The following LYST variants were observed in gnomAD, a reference collection of about 807,000 sequenced individuals.
LYST encodes the protein lysosomal trafficking regulator.
A neutral mutation model predicts 413.6 loss-of-function variants in LYST; 192 were observed. That is an observed-to-expected ratio of 0.46 (90% confidence interval 0.41 to 0.52). LYST has a LOEUF of 0.52. LYST is among the 20% of genes least tolerant of loss of function. The pLI is 0.00. For missense variants in LYST, 3,815 were observed against 4,499.9 expected (o/e 0.85, Z 4.35); for synonymous variants, 1,525 against 1,567.3 (o/e 0.97, Z 0.64).
intron 44 of LYST, 124 bp from the exon 45 acceptor site, chr1:235,703,101 A>G: frequency 1.3e-6 from 1 of 743,708 alleles, no homozygotes; most frequent in South Asian, 1.5e-5. Context: ...GCTTTTGTTC[A>G]GGTTAACAAT....
chr1:235,719,830 G>T (rs1663187585), intron 40 of LYST, among the ~76,000 whole-genome samples: 3 of 151,900 alleles, frequency 2.0e-5, no homozygotes, highest in South Asian at 4.1e-4. Flanking sequence ...TAAGTGACCT[G>T]GTTTTTCCAA....
At chr1:235,669,999 A>G (rs987845631) in intron 50 of LYST, among the ~76,000 whole-genome samples, 8 of 152,164 alleles carry the variant, frequency 5.3e-5, no homozygotes, top group African/African-American at 1.9e-4. Context: ...GGTGAACACA[A>G]CTATGTCAGA....
rs1387206693 is a variant in LYST at position 235,803,016 on chromosome 1, C to G, written c.3604G>C (p.Glu1202Gln). The G allele has an allele frequency of 4.3e-6, 7 of 1,613,380 alleles. No homozygotes were observed. Among genetic ancestry groups the G allele is most frequent in the Non-Finnish European group, 5.9e-6 (7 of 1,179,686 alleles). The change falls in exon 8 of 53, where the codon GAA becomes CAA. Residue 1202 changes from glutamate to glutamine, a missense_variant. Around this residue, in one of 4 missense-constraint regions of LYST, gnomAD observed 1,648 missense variants for 1,810.3 expected, o/e 0.91. Transcript: ENST00000389793. ...ELSSQPGDFS[E>Q]EAEDSQCCSF... Reference sequence around the variant, plus strand: ...CAACACTGAGAATCCTCAGCTTCTTCTGAAAAATCACCAGGCTGGGATGAC... The same window carrying G: ...CAACACTGAGAATCCTCAGCTTCTTGTGAAAAATCACCAGGCTGGGATGAC...
chr1:235,764,988 T>C (rs1667989779), intron 21 of LYST, among the ~76,000 whole-genome samples: 1 of 152,174 alleles, frequency 6.6e-6, no homozygotes, highest in African/African-American at 2.4e-5. Flanking sequence ...ACCCTCCAAC[T>C]AGTAATACTA....
chr1:235,761,833 T>C (rs1558205045), intron 22 of LYST, among the ~76,000 whole-genome samples: 1 of 151,440 alleles, frequency 6.6e-6, no homozygotes, highest in Non-Finnish European at 1.5e-5. Context: ...GCATCCCCTT[T>C]GCCTTTTTTC....
chr1:235,767,097 G>A (rs1161670244), intron 20 of LYST, among the ~76,000 whole-genome samples: 3 of 152,012 alleles, frequency 2.0e-5, no homozygotes, highest in Non-Finnish European at 4.4e-5. Flanking sequence ...AATGAGGCTT[G>A]GCAAAATGCC....
intron 14 of LYST, 36 bp downstream of exon 14, chr1:235,787,164 T>C (rs747833182): frequency 1.3e-6 from 2 of 1,517,994 alleles, no homozygotes; most frequent in Non-Finnish European, 1.8e-6. Flanking sequence ...ACATTGTAAC[T>C]GAGATTGAGA....
At chr1:235,677,669 CTAGTA>C in intron 48 of LYST, 50 bp from the exon 49 acceptor site, 1 of 1,410,776 alleles carries the variant, frequency 7.1e-7, no homozygotes, top group Non-Finnish European at 1.0e-6. Flanking sequence ...AAAAAGTACT[CTAGTA>C]TAGTATCTCA....
intron 42 of LYST, chr1:235,713,204 T>C (rs572322820): frequency 2.0e-6 from 2 of 985,236 alleles, no homozygotes; most frequent in Admixed American, 6.1e-5. Flanking sequence ...TTAGAAACAT[T>C]TACTTTTTCT....
chr1:235,780,896 GTCATAAAAAGT>G lies in LYST; in HGVS notation c.5172_5182del (p.Glu1724AspfsTer12). On this transcript the variant is annotated frameshift_variant, in exon 16 of 53. Transcript: ENST00000389793. LOFTEE classifies it high-confidence loss of function. ...GAGACCAATATCCACATCTTTCTTG[GTCATAAAAAGT>G]TCTCTGATTTGTTCACATCGCAAAA... 1 of 1,553,332 alleles carries G rather than the reference GTCATAAAAAGT, an allele frequency of 6.4e-7. No individual in the cohort carries two copies. The highest frequency in any genetic ancestry group is 1.2e-5 in the South Asian group (1 of 81,720).
chr1:235,808,707 T>C lies in LYST; in HGVS notation c.2111A>G (p.Asp704Gly). ...TGCAATCTGTATACTATGTAATCTG[T>C]CTTCTTCAAAAACAAAGTTCTGATA... ...KAYQNFVFEE[D>G]RLHSIQIANH... Residue 704 changes from aspartate (D) to glycine (G), a missense_variant, in exon 5 of 53, where the codon GAC becomes GGC. Transcript: ENST00000389793. 1 of 1,614,012 alleles carries C rather than the reference T, an allele frequency of 6.2e-7. No homozygotes were observed. Among genetic ancestry groups the C allele is most frequent in the Non-Finnish European group, 8.5e-7 (1 of 1,179,962 alleles).
At chr1:235,802,154 A>G (rs1401965590) in intron 8 of LYST, among the ~76,000 whole-genome samples, 1 of 139,308 alleles carries the variant, frequency 7.2e-6, no homozygotes, top group Non-Finnish European at 1.5e-5. Flanking sequence ...AGATCACGCC[A>G]CTGCACTCTA....
chr1:235,671,922 G>A (rs531031090), intron 50 of LYST, among the ~76,000 whole-genome samples: 3 of 152,334 alleles, frequency 2.0e-5, no homozygotes, highest in African/African-American at 7.2e-5. Context: ...TTATTATAGT[G>A]TTCTAGGTAA....
intron 44 of LYST, among the ~76,000 whole-genome samples, chr1:235,707,245 C>T (rs753370767): frequency 1.3e-5 from 2 of 152,122 alleles, no homozygotes; most frequent in African/African-American, 2.4e-5. Flanking sequence ...ACTTTTGCAT[C>T]CCCAGCACCT....
Position 235,833,682 on chromosome 1 carries a change from A to G in LYST, c.-97-15T>C. 2 of 644,820 alleles carry G rather than the reference A, an allele frequency of 3.1e-6. No homozygotes were observed. The highest frequency in any genetic ancestry group is 3.9e-6 in the Non-Finnish European group (2 of 518,584). The allele number at this position is 644,820 out of a possible 1,614,324, so 39.9% of individuals were successfully genotyped here. On this transcript the variant is annotated splice_polypyrimidine_tract_variant and intron_variant, in intron 1 of 52. Coordinates refer to ENST00000389793, the MANE Select transcript of LYST (RefSeq NM_000081.4). ...CAAAGCTTCACCTACAAAAAAAAAG[A>G]CATATTAATCACAATAGTAAACCAC...
At chr1:235,831,788 G>T (rs1398027208) in intron 2 of LYST, among the ~76,000 whole-genome samples, 1 of 151,870 alleles carries the variant, frequency 6.6e-6, no homozygotes, top group African/African-American at 2.4e-5. Flanking sequence ...ATTAATATTG[G>T]TTCTTTATAT....
At chr1:235,766,363 A>T in intron 20 of LYST, 86 bp from the exon 21 acceptor site, 1 of 977,152 alleles carries the variant, frequency 1.0e-6, no homozygotes, top group Non-Finnish European at 1.6e-6. Flanking sequence ...ATTCTTTTTA[A>T]GATAGAATTC....
intron 45 of LYST, among the ~76,000 whole-genome samples, chr1:235,702,444 T>G (rs1475280968): frequency 1.3e-5 from 2 of 152,122 alleles, no homozygotes; most frequent in Non-Finnish European, 2.9e-5. Flanking sequence ...GCTTGAAAAA[T>G]CCTATTATGT....
chr1:235,808,945 C>T lies in LYST; in HGVS notation c.1873G>A (p.Gly625Arg), dbSNP rs1449028074. 6.2e-7 allele frequency: 1 copy of T among 1,613,656 alleles called. No homozygotes were observed. The highest frequency in any genetic ancestry group is 8.5e-7 in the Non-Finnish European group (1 of 1,179,844). Residue 625 changes from glycine to arginine, a missense_variant, in exon 5 of 53, where the codon GGA becomes AGA. Gly to Arg is a moderately radical substitution (Grantham distance 125). Around this residue, in one of 4 missense-constraint regions of LYST, gnomAD observed 1,648 missense variants for 1,810.3 expected, o/e 0.91. Transcript: ENST00000389793. ...TTAATTTTTGGTGATATCTCTGCTC[C>T]TCCTAACTGATCCAAAATAAGTTTG... ...LNKLILDQLG[G>R]AEISPKIKKA...
Sources: gnomAD v4.1 joint callset for allele counts (sites outside exome capture counted in the v4.1 genomes callset) on GRCh38, gnomAD v4.1.1 for gene constraint, gnomAD v4.1.1 regional missense constraint, MANE v1.5 for transcripts, NCBI Gene and HGNC (gene_info 2026-07-23, HGNC 2026-07-21) for gene names.